PSMA1: variants seen among roughly 807,000 people sequenced by gnomAD.
The protein encoded by PSMA1 is proteasome subunit alpha type-1.
Under a neutral mutation model 38.4 loss-of-function variants are expected in PSMA1, and 3 were observed. The observed-to-expected ratio is 0.08, with a 90% CI of 0.04 to 0.20. The LOEUF is 0.20. Among genes scored for constraint, PSMA1 ranks in the 10% least tolerant of loss-of-function variants. The pLI, the probability that PSMA1 is intolerant of heterozygous loss-of-function variation, is 1.00. For synonymous variants in PSMA1, 101 were observed against 107.1 expected (o/e 0.94, Z 0.35); for missense variants, 227 against 325.3 (o/e 0.70, Z 2.32).
At chr11:14,574,217 G>C (rs1376171714) in intron 2 of PSMA1, among the ~76,000 whole-genome samples, 2 of 152,202 alleles carry the variant, frequency 1.3e-5, no homozygotes, top group Non-Finnish European at 2.9e-5. Flanking sequence ...AAAAGACCCT[G>C]AAGATATTTT....
intron 2 of PSMA1, among the ~76,000 whole-genome samples, chr11:14,533,075 T>C (rs745405269): frequency 2.0e-5 from 3 of 152,176 alleles, no homozygotes; most frequent in Non-Finnish European, 4.4e-5. Context: ...ATACATCGTG[T>C]GTACATATGC....
chr11:14,623,943 C>A (rs1371309270), intron 1 of PSMA1, among the ~76,000 whole-genome samples: 1 of 152,190 alleles, frequency 6.6e-6, no homozygotes, highest in Non-Finnish European at 1.5e-5. Flanking sequence ...ATTCTGGGTA[C>A]AGGCTTGTCT....
chr11:14,579,470 A>C (rs1457122916), intron 2 of PSMA1, among the ~76,000 whole-genome samples: 1 of 146,652 alleles, frequency 6.8e-6, no homozygotes, highest in Admixed American at 6.9e-5. Context: ...CCTTAACTTA[A>C]TTACAGCTGC....
At chr11:14,581,840 C>A (rs1198662214) in intron 2 of PSMA1, among the ~76,000 whole-genome samples, 1 of 152,192 alleles carries the variant, frequency 6.6e-6, no homozygotes, top group Non-Finnish European at 1.5e-5. Flanking sequence ...TATTCGCAGG[C>A]AGTTTCCTCT....
At chr11:14,512,150 G>T (rs543382616) in intron 7 of PSMA1, among the ~76,000 whole-genome samples, 1 of 152,192 alleles carries the variant, frequency 6.6e-6, no homozygotes, top group African/African-American at 2.4e-5. Context: ...CCAGTTGGGC[G>T]GATCGCCTGA....
chr11:14,520,077 C>T (rs1851502365), intron 1 of PSMA1: 4 of 667,506 alleles, frequency 6.0e-6, no homozygotes, highest in Admixed American at 5.8e-5. Context: ...GTCGGAGGCT[C>T]CCCGGGAAGC....
chr11:14,588,414 G>T (rs991706373), intron 2 of PSMA1, among the ~76,000 whole-genome samples: 9 of 152,262 alleles, frequency 5.9e-5, no homozygotes, highest in Middle Eastern at 3.4e-3. Flanking sequence ...TAGCTGCTGG[G>T]TATGGACTTG....
At chr11:14,560,277 G>A (rs1851993678) in intron 2 of PSMA1, among the ~76,000 whole-genome samples, 1 of 152,152 alleles carries the variant, frequency 6.6e-6, no homozygotes, top group African/African-American at 2.4e-5. Flanking sequence ...CAGTATCCTG[G>A]TTAGACTCTT....
chr11:14,590,675 A>T (rs1284790370), intron 2 of PSMA1, among the ~76,000 whole-genome samples: 1 of 152,140 alleles, frequency 6.6e-6, no homozygotes, highest in Non-Finnish European at 1.5e-5. Context: ...CATCAGTCTG[A>T]TCCACTCCAA....
Position 14,513,850 on chromosome 11 carries a change from T to A in PSMA1, c.381A>T (p.Pro127=), listed in dbSNP as rs758364899. The change falls in exon 6 of 10, where the codon CCA becomes CCT. Residue 127 remains proline, a synonymous_variant. Coordinates refer to ENST00000396394, the MANE Select transcript of PSMA1 (RefSeq NM_002786.4). ...CAGCAATAAGGAGACCAACACCATA[T>A]GGTCTCCGGCCATATCGTTGTGTTG... ...QIPTQRYGRR[P]YGVGLLIAGY... 1.2e-5 allele frequency: 19 copies of A among 1,601,976 alleles called. No homozygotes were observed. In the East Asian group the frequency reaches 4.0e-4, roughly 34 times the overall value.
chr11:14,570,302 T>A (rs1006398108), intron 2 of PSMA1, among the ~76,000 whole-genome samples: 1 of 152,150 alleles, frequency 6.6e-6, no homozygotes, highest in Non-Finnish European at 1.5e-5. Flanking sequence ...TCAGAGCACC[T>A]CTTCTCCTCC....
exon 1 of PSMA1, chr11:14,643,527 CCTT>C (rs1171434705): frequency 1.3e-5 from 2 of 152,242 alleles, no homozygotes; most frequent in African/African-American, 4.8e-5. Context: ...ATGACCTCGT[CCTT>C]CTCTTTCAGT....
At chr11:14,543,235 T>C (rs954761056) in intron 2 of PSMA1, among the ~76,000 whole-genome samples, 3 of 152,210 alleles carry the variant, frequency 2.0e-5, no homozygotes, top group African/African-American at 7.2e-5. Context: ...CAGTGGTATG[T>C]GCCTGTAGTT....
chr11:14,572,881 A>G (rs1313811243), intron 2 of PSMA1, among the ~76,000 whole-genome samples: 1 of 152,232 alleles, frequency 6.6e-6, no homozygotes, highest in Non-Finnish European at 1.5e-5. Flanking sequence ...AGAATACTAT[A>G]AACACCTCTA....
At position 14,582,029 on chromosome 11, in the gene PSMA1, C is replaced by G. The variant is rs536730088; in HGVS notation, c.21+28937G>C. 3.9e-5 allele frequency among the ~76,000 whole-genome samples: 6 copies of G among 152,222 alleles called. No homozygotes were observed. The South Asian group carries it at 1.2e-3, about 32-fold the overall frequency. ...GATCATGTGTCTACTGCTGAGTGAGCAGAAAACCTTTCCACAAAGGCAAAT... is the reference window on the plus strand; with the variant it reads ...GATCATGTGTCTACTGCTGAGTGAGGAGAAAACCTTTCCACAAAGGCAAAT... On this transcript the variant is annotated intron_variant, in intron 2 of 10. Transcript: ENST00000418988.
intron 1 of PSMA1, 73 bp downstream of exon 1, chr11:14,520,224 G>A: frequency 6.2e-7 from 1 of 1,604,050 alleles, no homozygotes; most frequent in Non-Finnish European, 8.5e-7. Flanking sequence ...AAGGATGACA[G>A]GAGAGGTGGC....
At chr11:14,542,076 A>G (rs1489058240) in intron 2 of PSMA1, among the ~76,000 whole-genome samples, 2 of 152,250 alleles carry the variant, frequency 1.3e-5, no homozygotes, top group East Asian at 1.9e-4. Context: ...AATGCAAACT[A>G]TAATTACTTA....
At chr11:14,592,632 G>A (rs754212414) in intron 2 of PSMA1, among the ~76,000 whole-genome samples, 3 of 152,142 alleles carry the variant, frequency 2.0e-5, no homozygotes, top group Admixed American at 6.5e-5. Context: ...TGATCCGCCC[G>A]CCTGGGCCTC....
chr11:14,590,335 T>C (rs1349173850), intron 2 of PSMA1, among the ~76,000 whole-genome samples: 1 of 152,200 alleles, frequency 6.6e-6, no homozygotes, highest in East Asian at 1.9e-4. Flanking sequence ...GATAGCAAAT[T>C]TTCATTTTGT....
Sources: allele counts gnomAD v4.1 joint callset (sites outside exome capture counted in the v4.1 genomes callset), GRCh38; gene constraint gnomAD v4.1.1; transcripts MANE v1.5; gene names NCBI Gene and HGNC (gene_info 2026-07-23, HGNC 2026-07-21).